Variants in FAM72A observed in about 807,000 individuals in gnomAD.
The protein encoded by FAM72A is protein FAM72A.
In FAM72A, 1 loss-of-function variant was observed where a neutral mutation model predicts 11.3. The ratio of observed to expected loss-of-function variants is 0.09; its 90% CI spans 0.03 to 0.42. The LOEUF is 0.42. Among genes scored for constraint, FAM72A ranks in the 10% least tolerant of loss-of-function variants. The pLI, the probability that FAM72A is intolerant of heterozygous loss-of-function variation, is 0.98. For synonymous variants in FAM72A, 5 were observed against 46.9 expected (o/e 0.11, Z 3.65); for missense variants, 15 against 135.5 (o/e 0.11, Z 4.41).
intron 3 of FAM72A, among the ~76,000 whole-genome samples, chr1:206,191,232 T>G (rs1203415214): frequency 2.7e-5 from 2 of 75,118 alleles, no homozygotes; most frequent in Non-Finnish European, 4.9e-5. Context: ...ACCCGGGAGG[T>G]GGAGGTTGCG....
chr1:206,198,550 T>G (rs1665192507), intron 2 of FAM72A, among the ~76,000 whole-genome samples: 1 of 147,302 alleles, frequency 6.8e-6, no homozygotes, highest in Non-Finnish European at 1.5e-5. Context: ...ATTATTAGGA[T>G]TGTCATTTAT....
At chr1:206,198,087 G>A (rs1665162921) in intron 2 of FAM72A, among the ~76,000 whole-genome samples, 1 of 151,184 alleles carries the variant, frequency 6.6e-6, no homozygotes. Flanking sequence ...GGGTGGGCTG[G>A]GTGCGGTGGC....
At chr1:206,197,154 T>C (rs1478597778) in intron 2 of FAM72A, among the ~76,000 whole-genome samples, 1 of 152,124 alleles carries the variant, frequency 6.6e-6, no homozygotes, top group African/African-American at 2.4e-5. Flanking sequence ...CATTCATTCA[T>C]CCATTGATTC....
chr1:206,203,498 C>G (rs1553299772), upstream of FAM72A: 7 of 480,222 alleles, frequency 1.5e-5, no homozygotes, highest in East Asian at 1.3e-4. Context: ...GGGGTGGGCT[C>G]TACTTCCCGG....
Position 206,187,391 on chromosome 1 carries a change from T to C in FAM72A, c.356-18A>G. The C allele has an allele frequency of 6.2e-7, 1 of 1,610,702 alleles. No individual in the cohort carries two copies. The highest frequency in any genetic ancestry group is 8.5e-7 in the Non-Finnish European group (1 of 1,179,188). The stretch of plus-strand genomic sequence containing the variant: ...GTTTACACCTGAAAATAAAAAGTCA[T>C]AAAATTCTTTAATGCTTACTACTGT... On this transcript the variant is annotated intron_variant, in intron 3 of 3. Coordinates refer to ENST00000367128, the MANE Select transcript of FAM72A (RefSeq NM_001123168.3).
At chr1:206,190,761 T>C (rs1280239475) in intron 3 of FAM72A, among the ~76,000 whole-genome samples, 2 of 150,740 alleles carry the variant, frequency 1.3e-5, no homozygotes, top group Non-Finnish European at 3.0e-5. Flanking sequence ...GTCCCACCTA[T>C]TGAGAAGGCT....
Position 206,187,365 on chromosome 1 carries a change from C to A in FAM72A, c.364G>T (p.Val122Phe), listed in dbSNP as rs1292146499. ...INRLDSTGVN[V>F]LLWGNLPEIE... ...TCTGGCAAGTTGCCCCAAAGTAGGA[C>A]GTTTACACCTGAAAATAAAAAGTCA... The change falls in exon 4 of 4, where the codon GTC becomes TTC. Residue 122 changes from valine (V) to phenylalanine (F), a missense_variant. Around this residue, in one of 2 missense-constraint regions of FAM72A, gnomAD observed 10 missense variants for 35.1 expected, o/e 0.29. Transcript: ENST00000367128. 1 of 1,611,196 alleles carries A rather than the reference C, an allele frequency of 6.2e-7. No individual in the cohort carries two copies. The highest frequency in any genetic ancestry group is 1.3e-5 in the African/African-American group (1 of 74,788).
At chr1:206,203,325 A>G, upstream of FAM72A, 1 of 397,590 alleles carries the variant, frequency 2.5e-6, no homozygotes. Context: ...TTAGGGGTTC[A>G]ACAACCCGGG....
In FAM72A at chr1:206,187,181, C is replaced by T. The variant is rs1664573287; in HGVS notation, c.*98G>A. 4 of 1,238,116 alleles carry T rather than the reference C, an allele frequency of 3.2e-6. No individual in the cohort carries two copies. The highest frequency in any genetic ancestry group is 4.3e-6 in the Non-Finnish European group (4 of 921,662). The allele number at this position is 1,238,116 out of a possible 1,614,324, so 76.7% of individuals were successfully genotyped here. A position where few individuals can be genotyped will look rare whatever the true frequency, so the allele number is the denominator to read the frequency against. Reference sequence around the variant, plus strand: ...TCAACAAATGCCCCATTTTTGTTTTCCAAAAAAGATCACTGGCAACTAACA... The same window carrying T: ...TCAACAAATGCCCCATTTTTGTTTTTCAAAAAAGATCACTGGCAACTAACA... On this transcript the variant is annotated 3_prime_UTR_variant, in exon 4 of 4. Coordinates refer to ENST00000367128, the MANE Select transcript of FAM72A (RefSeq NM_001123168.3).
Position 206,187,510 on chromosome 1 carries a change from T to G in FAM72A, c.356-137A>C, listed in dbSNP as rs1218691896. The G allele has an allele frequency of 1.1e-5, 7 of 623,562 alleles. No individual in the cohort carries two copies. The Admixed American group carries it at 2.1e-4, about 19-fold the overall frequency. The allele number at this position is 623,562 out of a possible 1,614,324, so 38.6% of individuals were successfully genotyped here. ...TAAAAAGAGTAGCTATTGAAGAATGTACTGCAAATAAAATTACCTAATATT... is the reference window on the plus strand; with the variant it reads ...TAAAAAGAGTAGCTATTGAAGAATGGACTGCAAATAAAATTACCTAATATT... On this transcript the variant is annotated intron_variant, in intron 3 of 3. Transcript: ENST00000367128.
intron 2 of FAM72A, among the ~76,000 whole-genome samples, chr1:206,198,076 T>C (rs78449845): frequency 0.067 from 9,896 of 146,638 alleles, 750 homozygotes; most frequent in African/African-American, 0.19. Flanking sequence ...AAAAATTAGC[T>C]GGGTGGGCTG....
At chr1:206,190,854 G>A (rs1571524891) in intron 3 of FAM72A, among the ~76,000 whole-genome samples, 3 of 149,354 alleles carry the variant, frequency 2.0e-5, no homozygotes, top group African/African-American at 7.4e-5. Flanking sequence ...CTGGGTGACA[G>A]AGCAAGACCC....
intron 3 of FAM72A, among the ~76,000 whole-genome samples, chr1:206,190,855 AGC>A: frequency 2.7e-5 from 4 of 150,936 alleles, no homozygotes; most frequent in East Asian, 3.9e-4. Context: ...TGGGTGACAG[AGC>A]AAGACCCTGT....
At chr1:206,187,550 T>C (rs1571521251) in intron 3 of FAM72A, among the ~76,000 whole-genome samples, 177 bp from the exon 4 acceptor site, 1 of 152,118 alleles carries the variant, frequency 6.6e-6, no homozygotes, top group Non-Finnish European at 1.5e-5. Context: ...ATCTAGGACA[T>C]AAACTTTATT....
chr1:206,203,598 G>A (rs372172466), upstream of FAM72A: 6 of 595,784 alleles, frequency 1.0e-5, no homozygotes, highest in African/African-American at 1.9e-5. Context: ...GGGGAGGAGA[G>A]CTCTGAGTGG....
chr1:206,203,324 C>G (rs1275806129), upstream of FAM72A: 1 of 398,024 alleles, frequency 2.5e-6, no homozygotes, highest in African/African-American at 2.1e-5. Context: ...CTTAGGGGTT[C>G]AACAACCCGG....
chr1:206,198,681 G>A (rs1326270093), intron 2 of FAM72A, among the ~76,000 whole-genome samples: 6 of 151,454 alleles, frequency 4.0e-5, no homozygotes, highest in Non-Finnish European at 5.9e-5. Context: ...CTCAGCTGTT[G>A]TAATTTATAG....
chr1:206,205,750 C>T (rs1473107539), upstream of FAM72A: 2 of 616,054 alleles, frequency 3.2e-6, no homozygotes, highest in Non-Finnish European at 2.9e-6. Context: ...AGCACAGGCA[C>T]CAGCCGCCGC....
intron 3 of FAM72A, among the ~76,000 whole-genome samples, chr1:206,193,770 A>G (rs1195339843): frequency 6.7e-6 from 1 of 149,904 alleles, no homozygotes; most frequent in Non-Finnish European, 1.5e-5. Flanking sequence ...TGTTTACAGC[A>G]TGTTTTACTA....
Sources: allele counts gnomAD v4.1 joint callset (sites outside exome capture counted in the v4.1 genomes callset), GRCh38; gene constraint gnomAD v4.1.1; regional missense constraint gnomAD v4.1.1; transcripts MANE v1.5; gene names NCBI Gene and HGNC (gene_info 2026-07-23, HGNC 2026-07-21).